NXPH2: variants seen among roughly 807,000 people sequenced by gnomAD.
NXPH2 encodes the protein neurexophilin 2, also known as neurexophilin-2.
Under a neutral mutation model 19.8 loss-of-function variants are expected in NXPH2, and 5 were observed. The ratio of observed to expected loss-of-function variants is 0.25; its 90% CI spans 0.13 to 0.53. The LOEUF (loss-of-function observed/expected upper bound fraction) is 0.53, where lower values mean the gene tolerates loss of function less well. Among genes scored for constraint, NXPH2 ranks in the 20% least tolerant of loss-of-function variants. The pLI is 0.96. For missense variants in NXPH2, 289 were observed against 322.8 expected (o/e 0.90, Z 0.80); for synonymous variants, 154 against 127.4 (o/e 1.21, Z -1.41).
intron 1 of NXPH2, among the ~76,000 whole-genome samples, chr2:138,769,605 C>G (rs1020996483): frequency 1.3e-5 from 2 of 152,142 alleles, no homozygotes; most frequent in African/African-American, 4.8e-5. Context: ...GAGAACCACA[C>G]GCAGGCAGGA....
intron 1 of NXPH2, among the ~76,000 whole-genome samples, chr2:138,777,381 T>A (rs1221553091): frequency 6.6e-6 from 1 of 152,062 alleles, no homozygotes. Flanking sequence ...CAAATAGTAA[T>A]CCCATTAATT....
At chr2:138,697,692 A>G (rs1680848634) in intron 1 of NXPH2, among the ~76,000 whole-genome samples, 1 of 151,864 alleles carries the variant, frequency 6.6e-6, no homozygotes, top group South Asian at 2.1e-4. Context: ...TTCAGATTAA[A>G]CACACTTTTT....
Position 138,671,628 on chromosome 2 carries a change from T to G in NXPH2, c.89A>C (p.Glu30Ala). Reference protein sequence around the residue: ...CDSKEVVHATEGLDWEDKDAP... With the variant: ...CDSKEVVHATAGLDWEDKDAP... Reference sequence around the variant, plus strand: ...ATCTTTGTCTTCCCAATCCAGCCCCTCCGTGGCATGCACCACTTCCTTACT... The same window carrying G: ...ATCTTTGTCTTCCCAATCCAGCCCCGCCGTGGCATGCACCACTTCCTTACT... Residue 30 changes from glutamate to alanine, a missense_variant, in exon 2 of 2, where the codon GAG becomes GCG. By Grantham distance (107) the Glu-to-Ala change is moderately radical (BLOSUM62 -1). Transcript: ENST00000272641. The G allele has an allele frequency of 6.3e-7, 1 of 1,595,124 alleles. No individual in the cohort carries two copies. The highest frequency in any genetic ancestry group is 1.1e-5 in the South Asian group (1 of 87,342).
intron 1 of NXPH2, among the ~76,000 whole-genome samples, chr2:138,744,583 T>A (rs11686876): frequency 0.35 from 53,643 of 152,078 alleles, 11,199 homozygotes; most frequent in Non-Finnish European, 0.48. Context: ...ACTGATGCGT[T>A]TAATCTGCTA....
intron 1 of NXPH2, among the ~76,000 whole-genome samples, chr2:138,731,309 C>A (rs1005400391): frequency 6.6e-6 from 1 of 151,904 alleles, no homozygotes; most frequent in Non-Finnish European, 1.5e-5. Context: ...TGAAAGCAAA[C>A]TGATAGGATT....
intron 1 of NXPH2, among the ~76,000 whole-genome samples, chr2:138,724,934 C>A (rs1249378870): frequency 6.6e-6 from 1 of 152,166 alleles, no homozygotes; most frequent in African/African-American, 2.4e-5. Flanking sequence ...AGAGGCTATG[C>A]CAATGGTGAC....
chr2:138,672,124 G>A (rs1287844785), intron 1 of NXPH2, among the ~76,000 whole-genome samples: 1 of 152,020 alleles, frequency 6.6e-6, no homozygotes, highest in Non-Finnish European at 1.5e-5. Context: ...AAATATTAAG[G>A]GGATTATTAC....
chr2:138,711,431 G>A (rs539061536), intron 1 of NXPH2, among the ~76,000 whole-genome samples: 50 of 151,818 alleles, frequency 3.3e-4, no homozygotes, highest in Non-Finnish European at 4.9e-4. Flanking sequence ...GTGAGCCACC[G>A]CGCCCGGCCC....
intron 1 of NXPH2, among the ~76,000 whole-genome samples, chr2:138,672,863 A>G (rs1276588805): frequency 1.3e-5 from 2 of 152,224 alleles, no homozygotes; most frequent in Non-Finnish European, 2.9e-5. Flanking sequence ...CGTAGCCTGG[A>G]TTATAAATAC....
intron 1 of NXPH2, among the ~76,000 whole-genome samples, chr2:138,759,026 A>G (rs1681959997): frequency 6.6e-6 from 1 of 152,142 alleles, no homozygotes; most frequent in South Asian, 2.1e-4. Context: ...GGAGTAATAG[A>G]TTGACATTTG....
intron 1 of NXPH2, among the ~76,000 whole-genome samples, chr2:138,731,757 T>C (rs953060388): frequency 6.6e-6 from 1 of 151,994 alleles, no homozygotes; most frequent in African/African-American, 2.4e-5. Flanking sequence ...CATTCATTTA[T>C]ATAGCAAGTA....
At chr2:138,726,561 C>CA (rs1490153867) in intron 1 of NXPH2, among the ~76,000 whole-genome samples, 2 of 148,792 alleles carry the variant, frequency 1.3e-5, no homozygotes, top group African/African-American at 4.9e-5. Context: ...CACACACACC[C>CA]TCCAACATAG....
intron 1 of NXPH2, among the ~76,000 whole-genome samples, chr2:138,711,244 G>A (rs1465669389): frequency 1.4e-5 from 2 of 139,536 alleles, no homozygotes; most frequent in Non-Finnish European, 3.0e-5. Context: ...AGGTTCAAGC[G>A]ATTCTCCTGC....
At chr2:138,778,915 C>T (rs536626050) in intron 1 of NXPH2, among the ~76,000 whole-genome samples, 5 of 152,146 alleles carry the variant, frequency 3.3e-5, no homozygotes, top group Non-Finnish European at 5.9e-5. Context: ...TCTGAGTTAA[C>T]GCTGTGCAGG....
chr2:138,683,341 A>T (rs1680604733), intron 1 of NXPH2, among the ~76,000 whole-genome samples: 1 of 152,154 alleles, frequency 6.6e-6, no homozygotes, highest in African/African-American at 2.4e-5. Flanking sequence ...AGACAACATG[A>T]ATCTATGTCT....
At chr2:138,775,907 C>A (rs562710218) in intron 1 of NXPH2, among the ~76,000 whole-genome samples, 1 of 152,248 alleles carries the variant, frequency 6.6e-6, no homozygotes, top group African/African-American at 2.4e-5. Context: ...AAATGAGATT[C>A]TTTACAGAAA....
intron 1 of NXPH2, among the ~76,000 whole-genome samples, chr2:138,713,880 A>G (rs920296253): frequency 2.0e-5 from 3 of 152,070 alleles, no homozygotes; most frequent in African/African-American, 7.2e-5. Context: ...ACTGATTTTT[A>G]TCTGCTTGCT....
chr2:138,703,397 G>A (rs1456487105), intron 1 of NXPH2, among the ~76,000 whole-genome samples: 2 of 152,166 alleles, frequency 1.3e-5, no homozygotes, highest in Non-Finnish European at 2.9e-5. Context: ...ATGTTTGAAG[G>A]GATAAATCAG....
chr2:138,772,665 A>G (rs1363399882), intron 1 of NXPH2, among the ~76,000 whole-genome samples: 1 of 152,174 alleles, frequency 6.6e-6, no homozygotes, highest in South Asian at 2.1e-4. Flanking sequence ...GTTCTATTCA[A>G]CTTATTTGAC....
Sources: gnomAD v4.1 joint callset for allele counts (sites outside exome capture counted in the v4.1 genomes callset) on GRCh38, gnomAD v4.1.1 for gene constraint, MANE v1.5 for transcripts, NCBI Gene and HGNC (gene_info 2026-07-23, HGNC 2026-07-21) for gene names.